The following MCF2L2 variants were observed in gnomAD, a reference collection of about 807,000 sequenced individuals.
MCF2L2 encodes probable guanine nucleotide exchange factor MCF2L2.
In MCF2L2, 102 loss-of-function variants were observed where a neutral mutation model predicts 150.2. That is an observed-to-expected ratio of 0.68 (90% CI 0.58 to 0.80). The LOEUF (loss-of-function observed/expected upper bound fraction) is 0.80. Ranked by LOEUF, MCF2L2 falls within the 30% of genes least tolerant of loss-of-function variation. The probability of loss-of-function intolerance (pLI) is 0.00; values close to 1 mark genes in which losing one functional copy is unlikely to be tolerated. For missense variants in MCF2L2, 1,256 were observed against 1,372.8 expected, an observed-to-expected ratio of 0.91 and a Z score of 1.34; for synonymous variants, 465 against 491.3, an observed-to-expected ratio of 0.95 and a Z score of 0.71.
intron 1 of MCF2L2, among the ~76,000 whole-genome samples, chr3:183,423,297 T>C (rs191158507): frequency 2.0e-5 from 3 of 152,328 alleles, no homozygotes; most frequent in Admixed American, 6.5e-5. Flanking sequence ...GCTGAATTTC[T>C]CAGTCTAGTA....
chr3:183,231,294 CAT>C, intron 15 of MCF2L2: 1 of 563,090 alleles, frequency 1.8e-6, no homozygotes, highest in Non-Finnish European at 3.4e-6. Flanking sequence ...CTGGGTGGGC[CAT>C]ATAGTGTGGG....
chr3:183,194,330 A>G (rs1722009570), intron 26 of MCF2L2, among the ~76,000 whole-genome samples: 1 of 152,226 alleles, frequency 6.6e-6, no homozygotes, highest in African/African-American at 2.4e-5. Flanking sequence ...AAGAGGAATT[A>G]TAGACGAAGA....
At chr3:183,201,167 TC>T (rs1161933023) in intron 25 of MCF2L2, among the ~76,000 whole-genome samples, 13 of 152,192 alleles carry the variant, frequency 8.5e-5, no homozygotes, top group Non-Finnish European at 1.9e-4. Context: ...GTGAAGAAAG[TC>T]ATTGGTAGCT....
In MCF2L2 at chr3:183,180,054, A is replaced by G. The variant is rs765621989; in HGVS notation, c.3105+17T>C. ...AAGGAGGGAAGAAGATGAAAGAAAC[A>G]AAAGGGAAGTAATTACACTCAGAGC... On this transcript the variant is annotated intron_variant, in intron 28 of 29. Coordinates refer to ENST00000328913, the MANE Select transcript of MCF2L2 (RefSeq NM_015078.4). 1 of 1,600,184 alleles carries G rather than the reference A, an allele frequency of 6.2e-7. No homozygotes were observed. Among genetic ancestry groups the G allele is most frequent in the Non-Finnish European group, 8.6e-7 (1 of 1,167,448 alleles).
intron 27 of MCF2L2, among the ~76,000 whole-genome samples, chr3:183,184,017 G>GT (rs972471687): frequency 9.2e-5 from 14 of 151,986 alleles, no homozygotes; most frequent in African/African-American, 3.1e-4. Context: ...GTTTTGTTTT[G>GT]TTTTTTTGTT....
At chr3:183,362,606 TAA>T (rs59562818) in intron 3 of MCF2L2, among the ~76,000 whole-genome samples, 39,867 of 144,044 alleles carry the variant, frequency 0.28, 7,014 homozygotes, top group African/African-American at 0.5. Flanking sequence ...CTTACAGGAT[TAA>T]AAAAAAAAAA....
At chr3:183,369,534 G>A (rs1396672760) in intron 3 of MCF2L2, among the ~76,000 whole-genome samples, 1 of 152,096 alleles carries the variant, frequency 6.6e-6, no homozygotes, top group African/African-American at 2.4e-5. Context: ...GTGTGTGCAC[G>A]TTTCTCCTTG....
Position 183,363,177 on chromosome 3 carries a change from C to T in MCF2L2, c.275+16120G>A, listed in dbSNP as rs139607005. On this transcript the variant is annotated intron_variant, in intron 3 of 29. Transcript: ENST00000328913. ...TCTGGCAAAGAGCAACAGGAACTCT[C>T]GTTCACTGCTGGTGGGAATGCAACA... Among the ~76,000 whole-genome samples the T allele has an allele frequency of 8.1e-3, 1,226 of 152,276 alleles. 11 individuals carry two copies. The highest frequency in any genetic ancestry group is 0.013 in the Admixed American group (197 of 15,294).
chr3:183,281,662 T>C (rs985641060), intron 14 of MCF2L2, among the ~76,000 whole-genome samples: 2 of 152,130 alleles, frequency 1.3e-5, no homozygotes, highest in Non-Finnish European at 2.9e-5. Context: ...TCAGACTGCC[T>C]CTACCTTTAG....
At chr3:183,391,894 TC>T (rs759216219) in intron 1 of MCF2L2, among the ~76,000 whole-genome samples, 5,359 of 150,290 alleles carry the variant, frequency 0.036, 243 homozygotes, top group African/African-American at 0.12. Flanking sequence ...TTTTTTGATT[TC>T]TCTTTTTTAA....
At position 183,207,788 on chromosome 3, in the gene MCF2L2, G is replaced by A. The variant is rs199864733; in HGVS notation, c.2532C>T (p.His844=). 54 of 1,614,036 alleles carry A rather than the reference G, an allele frequency of 3.3e-5. No homozygotes were observed. The highest frequency in any genetic ancestry group is 4.4e-5 in the South Asian group (4 of 91,090). The change falls in exon 23 of 30, where the codon CAC becomes CAT. Residue 844 remains histidine, a synonymous_variant. Transcript: ENST00000328913. ...GAATTGTCCAGACGCTGAAAGGGCC[G>A]TGCAGCAACAGCTTGCCTAGTTTTC... is the stretch of plus-strand genomic sequence containing the variant. ...DIGKLGKLLL[H]GPFSVWTIHK...
chr3:183,231,638 T>TG (rs1394146331), intron 15 of MCF2L2, among the ~76,000 whole-genome samples: 29 of 151,628 alleles, frequency 1.9e-4, no homozygotes, highest in Non-Finnish European at 3.2e-4. Flanking sequence ...TTTTTTTTTT[T>TG]GGTAGAGATG....
chr3:183,418,649 C>T (rs1432369157), intron 1 of MCF2L2, among the ~76,000 whole-genome samples: 3 of 152,220 alleles, frequency 2.0e-5, no homozygotes, highest in Non-Finnish European at 4.4e-5. Context: ...AGGCCTCACA[C>T]AAGTCTGAAA....
At chr3:183,230,498 G>A (rs1173966883) in intron 16 of MCF2L2, among the ~76,000 whole-genome samples, 2 of 152,014 alleles carry the variant, frequency 1.3e-5, no homozygotes, top group Non-Finnish European at 2.9e-5. Flanking sequence ...ATGGACATTT[G>A]GGTTGCTTCT....
At chr3:183,301,932 T>A (rs1728870278) in intron 10 of MCF2L2, among the ~76,000 whole-genome samples, 1 of 152,332 alleles carries the variant, frequency 6.6e-6, no homozygotes, top group East Asian at 1.9e-4. Context: ...ATGTGAATGG[T>A]TCATGATCCC....
In MCF2L2 at chr3:183,357,870, G is replaced by A. The variant is rs572564344; in HGVS notation, c.276-16240C>T. Among the ~76,000 whole-genome samples, 12 of 151,842 alleles carry A rather than the reference G, an allele frequency of 7.9e-5. No homozygotes were observed. In the South Asian group the frequency reaches 2.1e-3, roughly 26 times the overall value. ...TGTCCAGAAAAAAAAAAAAAGGCCG[G>A]CAGACACCCCTATGAGTAACAGTGA... On this transcript the variant is annotated intron_variant, in intron 3 of 29. Coordinates refer to ENST00000328913, the MANE Select transcript of MCF2L2 (RefSeq NM_015078.4).
chr3:183,348,233 C>T (rs1284039), intron 3 of MCF2L2, among the ~76,000 whole-genome samples: 141,290 of 152,214 alleles, frequency 0.93, 65,702 homozygotes, highest in East Asian at 1. Flanking sequence ...AAAAAAAGAA[C>T]GAGTTCATGT....
In MCF2L2 at chr3:183,202,578, A is replaced by G. The variant is rs1377072217; in HGVS notation, c.2884+3298T>C. Among the ~76,000 whole-genome samples, 4 of 152,356 alleles carry G rather than the reference A, an allele frequency of 2.6e-5. No homozygotes were observed. The South Asian group carries it at 8.3e-4, about 32-fold the overall frequency. ...AGTGTGAAGGTGTGCCCTAATGTGC[A>G]CACAGAGCCCCTTGGCAAAGACTAG... is the stretch of plus-strand genomic sequence containing the variant. On this transcript the variant is annotated intron_variant, in intron 25 of 29. Transcript: ENST00000328913.
At chr3:183,268,887 G>A (rs1726424832) in intron 15 of MCF2L2, among the ~76,000 whole-genome samples, 2 of 152,204 alleles carry the variant, frequency 1.3e-5, no homozygotes, top group African/African-American at 2.4e-5. Context: ...GGCGCCTGCT[G>A]CATTTCCAAA....
Sources: gnomAD v4.1 joint callset for allele counts (sites outside exome capture counted in the v4.1 genomes callset) on GRCh38, gnomAD v4.1.1 for gene constraint, MANE v1.5 for transcripts, NCBI Gene and HGNC (gene_info 2026-07-23, HGNC 2026-07-21) for gene names.